PCDHGA8: variants seen among roughly 807,000 people sequenced by gnomAD.
PCDHGA8 encodes protocadherin gamma subfamily A, 8.
A neutral mutation model predicts 59.2 loss-of-function variants in PCDHGA8; 45 were observed. That is an observed-to-expected ratio of 0.76 (90% CI 0.60 to 0.98). PCDHGA8 has a LOEUF of 0.98. Among genes scored for constraint, PCDHGA8 ranks in the 50% least tolerant of loss-of-function variants. PCDHGA8 has a pLI of 0.00. For missense variants in PCDHGA8, 1,257 were observed against 1,196.2 expected (o/e 1.05, Z -0.75); for synonymous variants, 531 against 519.0 (o/e 1.02, Z -0.32).
In PCDHGA8 at chr5:141,487,107, T is replaced by C. The variant is rs1193091014; in HGVS notation, c.2425-7700T>C. 6.2e-7 allele frequency: 1 copy of C among 1,613,926 alleles called. No individual in the cohort carries two copies. The highest frequency in any genetic ancestry group is 8.5e-7 in the Non-Finnish European group (1 of 1,179,782). On this transcript the variant is annotated intron_variant, in intron 1 of 3. Transcript: ENST00000398604. This position sits in a 1 kb window ranked among gnomAD's most constrained non-coding sequence, Gnocchi z 5.0. ...GACCTCCCACCACAGAAGCTGGTCA[T>C]TGTGGTAAAGGATAGTGGTAGTCCA...
Position 141,403,717 on chromosome 5 carries a change from G to A in PCDHGA8, c.2424+8480G>A, listed in dbSNP as rs1561689674. On this transcript the variant is annotated intron_variant, in intron 1 of 3. Transcript: ENST00000398604. Reference sequence around the variant, plus strand: ...ACCGAGTTAAAGTCCTTGAGAACGTGCCCCCAGGCACCTGGCTGCTTACTG... The same window carrying A: ...ACCGAGTTAAAGTCCTTGAGAACGTACCCCCAGGCACCTGGCTGCTTACTG... 3 of 1,613,936 alleles carry A rather than the reference G, an allele frequency of 1.9e-6. No homozygotes were observed. In the South Asian group the frequency reaches 3.3e-5, roughly 18 times the overall value.
At chr5:141,436,324 G>A (rs972756085) in intron 1 of PCDHGA8, among the ~76,000 whole-genome samples, 10 of 152,134 alleles carry the variant, frequency 6.6e-5, no homozygotes, top group African/African-American at 2.4e-4. Flanking sequence ...AAGACTGTTA[G>A]ACCATATCTC....
At chr5:141,417,456 G>A (rs1354162154) in intron 1 of PCDHGA8, 1 of 177,626 alleles carries the variant, frequency 5.6e-6, no homozygotes, top group Non-Finnish European at 1.2e-5. Context: ...TTATGACCAA[G>A]TGGAAATATA....
intron 1 of PCDHGA8, chr5:141,426,693 A>C (rs62378458): frequency 0.034 from 14,964 of 435,892 alleles, 320 homozygotes; most frequent in Middle Eastern, 0.11. Flanking sequence ...CCAAAATAGC[A>C]TTGTTTTACA....
chr5:141,501,530 G>T (rs556760554), intron 2 of PCDHGA8, among the ~76,000 whole-genome samples: 1 of 151,998 alleles, frequency 6.6e-6, no homozygotes, highest in East Asian at 1.9e-4. Flanking sequence ...AGCCCAGTAC[G>T]TTGTTGTGCA....
intron 1 of PCDHGA8, chr5:141,398,456 C>A (rs1262009079): frequency 6.3e-7 from 1 of 1,590,134 alleles, no homozygotes; most frequent in Non-Finnish European, 8.6e-7. Context: ...GAGGCTGTTG[C>A]TGAAAATCCA....
At chr5:141,412,509 A>G (rs1452202369) in intron 1 of PCDHGA8, 2 of 152,208 alleles carry the variant, frequency 1.3e-5, no homozygotes, top group Admixed American at 1.3e-4. Flanking sequence ...AATAAGTTTA[A>G]TGAATTAAGT....
In PCDHGA8 at chr5:141,476,575, C is replaced by A; in HGVS notation, c.2425-18232C>A. 6 of 1,614,232 alleles carry A rather than the reference C, an allele frequency of 3.7e-6. No homozygotes were observed. The highest frequency in any genetic ancestry group is 5.1e-6 in the Non-Finnish European group (6 of 1,180,042). The stretch of plus-strand genomic sequence containing the variant: ...GCGAGGCCGTGGCTCCGGGGACGCG[C>A]TTTCCGCTCGAGAGCGCGCACGATC... On this transcript the variant is annotated intron_variant, in intron 1 of 3. Transcript: ENST00000398604. This position sits in a 1 kb window ranked among gnomAD's most constrained non-coding sequence, Gnocchi z 7.6.
chr5:141,405,233 G>A (rs746061797), intron 1 of PCDHGA8: 10 of 1,613,914 alleles, frequency 6.2e-6, no homozygotes, highest in East Asian at 2.2e-5. Flanking sequence ...CTCCCTCACC[G>A]CTGACTCAAG....
At chr5:141,470,780 T>G (rs1436746772) in intron 1 of PCDHGA8, among the ~76,000 whole-genome samples, 1 of 152,194 alleles carries the variant, frequency 6.6e-6, no homozygotes, top group Non-Finnish European at 1.5e-5. Flanking sequence ...CTTGAATTCC[T>G]GGGCTCAAGC....
At chr5:141,480,698 C>T (rs1394538159) in intron 1 of PCDHGA8, among the ~76,000 whole-genome samples, 1 of 152,198 alleles carries the variant, frequency 6.6e-6, no homozygotes, top group Admixed American at 6.5e-5. Context: ...ACCCAGGCCA[C>T]ACCCCGACAA....
chr5:141,433,358 C>CCCATCTAT (rs1554125967), intron 1 of PCDHGA8: 6 of 503,934 alleles, frequency 1.2e-5, no homozygotes, highest in Admixed American at 3.6e-5. Context: ...CTACTGTCTG[C>CCCATCTAT]CTATCTATCT....
intron 1 of PCDHGA8, chr5:141,396,140 G>A (rs1199993001): frequency 2.0e-5 from 3 of 152,178 alleles, no homozygotes; most frequent in Non-Finnish European, 4.4e-5. Flanking sequence ...TTCTAAATAA[G>A]CTGATCAATT....
At position 141,477,053 on chromosome 5, in the gene PCDHGA8, G is replaced by C; in HGVS notation, c.2425-17754G>C. ...GACAATCAAGGGTCGGCTGGACTTC[G>C]AGGACACCAAACTCCATGAGATTTA... On this transcript the variant is annotated intron_variant, in intron 1 of 3. Coordinates refer to ENST00000398604, the MANE Select transcript of PCDHGA8 (RefSeq NM_032088.2). This position sits in a 1 kb window ranked among gnomAD's most constrained non-coding sequence, Gnocchi z 4.9. The C allele has an allele frequency of 6.2e-7, 1 of 1,614,230 alleles. No homozygotes were observed. Among genetic ancestry groups the C allele is most frequent in the Non-Finnish European group, 8.5e-7 (1 of 1,180,032 alleles).
intron 1 of PCDHGA8, chr5:141,404,805 C>T (rs770534822): frequency 1.7e-5 from 28 of 1,613,842 alleles, no homozygotes; most frequent in Admixed American, 6.7e-5. Context: ...GGGCTCTTCT[C>T]GGTGGGGCTG....
At chr5:141,423,318 G>T (rs1165459779) in intron 1 of PCDHGA8, 17 of 1,614,006 alleles carry the variant, frequency 1.1e-5, no homozygotes, top group South Asian at 8.8e-5. Context: ...TGGTGGTGGC[G>T]GTGGCCGCAG....
Position 141,431,883 on chromosome 5 carries a change from A to T in PCDHGA8, c.2424+36646A>T, listed in dbSNP as rs748968989. 6.8e-6 allele frequency: 11 copies of T among 1,614,118 alleles called. No individual in the cohort carries two copies. The highest frequency in any genetic ancestry group is 1.1e-5 in the South Asian group (1 of 91,084). On this transcript the variant is annotated intron_variant, in intron 1 of 3. Transcript: ENST00000398604. The surrounding 1 kb of genome is among the most constrained non-coding windows in gnomAD (Gnocchi z 4.8). ...GCCCTTTTAAATGTAAATGACCAAG[A>T]TTCTGAGGAAAACGGACAGGTGATC...
intron 1 of PCDHGA8, chr5:141,416,850 T>C (rs2096064812): frequency 6.6e-6 from 1 of 151,902 alleles, no homozygotes; most frequent in South Asian, 2.1e-4. Flanking sequence ...AATTCCATGA[T>C]TTTTTTCAGG....
intron 1 of PCDHGA8, chr5:141,419,521 C>T (rs1418329404): frequency 1.2e-6 from 2 of 1,612,122 alleles, no homozygotes; most frequent in East Asian, 2.2e-5. Context: ...TGGTGGGCGA[C>T]CGTAACGACA....
Sources: gnomAD v4.1 joint callset for allele counts (sites outside exome capture counted in the v4.1 genomes callset) on GRCh38, gnomAD v4.1.1 for gene constraint, Gnocchi (gnomAD v3.1) non-coding constraint, MANE v1.5 for transcripts, NCBI Gene and HGNC (gene_info 2026-07-23, HGNC 2026-07-21) for gene names.